RASD1: variants seen among roughly 807,000 people sequenced by gnomAD.
The protein encoded by RASD1 is ras related dexamethasone induced 1.
A neutral mutation model predicts 16.7 loss-of-function variants in RASD1; 13 were observed. That is an observed-to-expected ratio of 0.78 (90% confidence interval 0.51 to 1.24). The LOEUF is 1.24. Among genes scored for constraint, RASD1 ranks in the 50% most tolerant of loss-of-function variants. RASD1 has a pLI of 0.00. For missense variants in RASD1, 397 were observed against 407.5 expected, an observed-to-expected ratio of 0.97 and a Z score of 0.22; for synonymous variants, 170 against 172.6, an observed-to-expected ratio of 0.98 and a Z score of 0.12.
Position 17,495,502 on chromosome 17 carries a change from G to C in RASD1, c.469C>G (p.Gln157Glu). 3 of 1,611,782 alleles carry C rather than the reference G, an allele frequency of 1.9e-6. No homozygotes were observed. In the East Asian group the frequency reaches 6.7e-5, roughly 36 times the overall value. Residue 157 changes from glutamine to glutamate, a missense_variant, in exon 2 of 2, where the codon CAG becomes GAG. By Grantham distance (29) the Gln-to-Glu change is conservative (BLOSUM62 2). Transcript: ENST00000225688. ...CCCACCAGCTGCTCGATCTCGCGCT[G>C]GTCCACCTCGCGGTAGAAGTCGCGG... is the stretch of plus-strand genomic sequence containing the variant. The part of the protein sequence containing the change: ...GDRDFYREVD[Q>E]REIEQLVGDD...
chr17:17,495,863 T>C (rs777036185), intron 1 of RASD1, 33 bp downstream of exon 1: 21 of 1,112,750 alleles, frequency 1.9e-5, no homozygotes, highest in Non-Finnish European at 2.7e-5. Flanking sequence ...TTCCCCGCCC[T>C]TCCCTCCCGC....
At position 17,494,866 on chromosome 17, in the gene RASD1, C is replaced by G. The variant is rs1351289338; in HGVS notation, c.*259G>C. Reference sequence around the variant, plus strand: ...AAATCCACCCTCGGCTGGGCCCTCGCTCCCAAAGTTATGGGGGTGGCGGGC... The same window carrying G: ...AAATCCACCCTCGGCTGGGCCCTCGGTCCCAAAGTTATGGGGGTGGCGGGC... On this transcript the variant is annotated 3_prime_UTR_variant, in exon 2 of 2. Coordinates refer to ENST00000225688, the MANE Select transcript of RASD1 (RefSeq NM_016084.5). 1.8e-6 allele frequency: 1 copy of G among 570,274 alleles called. No homozygotes were observed. The highest frequency in any genetic ancestry group is 3.0e-6 in the Non-Finnish European group (1 of 328,328). 35.3% of individuals were successfully genotyped at this position (570,274 alleles called of 1,614,324 possible).
intron 1 of RASD1, 41 bp from the exon 2 acceptor site, chr17:17,495,725 TGGCCGCCCAGGGGACAAGTCG>T: frequency 6.0e-6 from 9 of 1,507,490 alleles, no homozygotes; most frequent in Non-Finnish European, 8.0e-6. Context: ...AAGGTGAGGG[TGGCCGCCCAGGGGACAAGTCG>T]GGCTGACTTT....
chr17:17,495,016 A>C lies in RASD1; in HGVS notation c.*109T>G. 2 of 1,348,778 alleles carry C rather than the reference A, an allele frequency of 1.5e-6. No homozygotes were observed. The highest frequency in any genetic ancestry group is 2.0e-6 in the Non-Finnish European group (2 of 986,930). 83.6% of individuals were successfully genotyped at this position (1,348,778 alleles called of 1,614,324 possible). On this transcript the variant is annotated 3_prime_UTR_variant, in exon 2 of 2. Coordinates refer to ENST00000225688, the MANE Select transcript of RASD1 (RefSeq NM_016084.5). ...CCAGTGCTGGGGGCGGATCGCCGGGAGGGGAGACGCCAGTCCGCGCGCGCT... is the reference window on the plus strand; with the variant it reads ...CCAGTGCTGGGGGCGGATCGCCGGGCGGGGAGACGCCAGTCCGCGCGCGCT...
Position 17,496,286 on chromosome 17 carries a change from C to T in RASD1, c.-105G>A. ...GGGTGAGCGGCTGGAGGGCTCTGCT[C>T]GGGCTGGGCGCGGCTCGGGCTTGGG... On this transcript the variant is annotated 5_prime_UTR_variant, in exon 1 of 2. Transcript: ENST00000225688. 1 of 1,279,238 alleles carries T rather than the reference C, an allele frequency of 7.8e-7. No individual in the cohort carries two copies. Among genetic ancestry groups the T allele is most frequent in the South Asian group, 1.5e-5 (1 of 65,354 alleles). The allele number at this position is 1,279,238 out of a possible 1,614,324, so 79.2% of individuals were successfully genotyped here. A position where few individuals can be genotyped will look rare whatever the true frequency, so the allele number is the denominator to read the frequency against.
rs747191138 is a variant in RASD1 at position 17,495,257 on chromosome 17, G to A, written c.714C>T (p.Asp238=). The part of the protein sequence containing the change: ...LRAGSGGGGG[D]PGDAFGIVAP... ...CCACGATGCCAAAGGCGTCGCCCGG[G>A]TCGCCGCCGCCGCCGCCGCTGCCGG... The change falls in exon 2 of 2, where the codon GAC becomes GAT. Residue 238 remains aspartate, a synonymous_variant. Transcript: ENST00000225688. The A allele has an allele frequency of 1.3e-6, 2 of 1,573,580 alleles. No individual in the cohort carries two copies. The highest frequency in any genetic ancestry group is 1.7e-6 in the Non-Finnish European group (2 of 1,161,408).
chr17:17,495,271 CGCCGCT>C lies in RASD1; in HGVS notation c.694_699del (p.Ser232_Gly233del), dbSNP rs769104418. On this transcript the variant is annotated inframe_deletion, in exon 2 of 2. Coordinates refer to ENST00000225688, the MANE Select transcript of RASD1 (RefSeq NM_016084.5). Reference sequence around the variant, plus strand: ...GCGTCGCCCGGGTCGCCGCCGCCGCCGCCGCTGCCGGCCCGCAGCAGCTTCTTGTTC... The same window carrying C: ...GCGTCGCCCGGGTCGCCGCCGCCGCCGCCGGCCCGCAGCAGCTTCTTGTTC... 2.6e-6 allele frequency: 4 copies of C among 1,564,766 alleles called. No individual in the cohort carries two copies. The highest frequency in any genetic ancestry group is 1.9e-5 in the Admixed American group (1 of 52,300).
Position 17,495,494 on chromosome 17 carries a change from C to A in RASD1, c.477G>T (p.Glu159Asp). The part of the protein sequence containing the change: ...RDFYREVDQR[E>D]IEQLVGDDPQ... ...GGTCGTCGCCCACCAGCTGCTCGAT[C>A]TCGCGCTGGTCCACCTCGCGGTAGA... Residue 159 changes from glutamate (E) to aspartate (D), a missense_variant, in exon 2 of 2, where the codon GAG becomes GAT. By Grantham distance (45) the Glu-to-Asp change is conservative (BLOSUM62 2). Transcript: ENST00000225688. 1 of 1,611,438 alleles carries A rather than the reference C, an allele frequency of 6.2e-7. No individual in the cohort carries two copies. The highest frequency in any genetic ancestry group is 8.5e-7 in the Non-Finnish European group (1 of 1,179,318).
At position 17,496,143 on chromosome 17, in the gene RASD1, G is replaced by C. The variant is rs139708227; in HGVS notation, c.39C>G (p.Ser13Arg). The part of the protein sequence containing the change: ...LAAMIKKMCP[S>R]DSELSIPAKN... ...TGGCCGGGATACTCAGCTCCGAGTCGCTCGGGCACATCTTCTTGATCATCG... is the reference window on the plus strand; with the variant it reads ...TGGCCGGGATACTCAGCTCCGAGTCCCTCGGGCACATCTTCTTGATCATCG... The change falls in exon 1 of 2, where the codon AGC (serine) becomes AGG (arginine). Residue 13 changes from serine to arginine, a missense_variant. By Grantham distance (110) the Ser-to-Arg change is moderately radical. Transcript: ENST00000225688. The C allele has an allele frequency of 6.2e-7, 1 of 1,611,804 alleles. No individual in the cohort carries two copies. Among genetic ancestry groups the C allele is most frequent in the South Asian group, 1.1e-5 (1 of 91,014 alleles).
chr17:17,495,580 TG>T lies in RASD1; in HGVS notation c.390del (p.Asn130LysfsTer72). 6.2e-7 allele frequency: 1 copy of T among 1,613,134 alleles called. No homozygotes were observed. Among genetic ancestry groups the T allele is most frequent in the Admixed American group, 1.7e-5 (1 of 59,994 alleles). ...QILDTKSCLK[N>X]KTKENVDVPL... Reference sequence around the variant, plus strand: ...GGCACGTCCACGTTCTCCTTGGTTTTGTTCTTGAGGCAAGACTTGGTGTCGA... The same window carrying T: ...GGCACGTCCACGTTCTCCTTGGTTTTTTCTTGAGGCAAGACTTGGTGTCGA... On this transcript the variant is annotated frameshift_variant, in exon 2 of 2. Transcript: ENST00000225688. LOFTEE classifies it high-confidence loss of function.
rs549245676 is a variant in RASD1, at chr17:17,494,617, T to G, written c.*508A>C. 2.6e-4 allele frequency: 46 copies of G among 174,920 alleles called. No homozygotes were observed. Among genetic ancestry groups the G allele is most frequent in the Non-Finnish European group, 4.2e-4 (35 of 82,948 alleles). 10.8% of individuals were successfully genotyped at this position (174,920 alleles called of 1,614,324 possible). ...GTTCCTTTGTGCAGTTTCACTCACA[T>G]GTAAACAAGTCACTTGGCTATGATT... On this transcript the variant is annotated 3_prime_UTR_variant, in exon 2 of 2. Transcript: ENST00000225688.
chr17:17,494,985 G>T lies in RASD1; in HGVS notation c.*140C>A. The T allele has an allele frequency of 1.9e-6, 2 of 1,058,260 alleles. No individual in the cohort carries two copies. The highest frequency in any genetic ancestry group is 2.7e-6 in the Non-Finnish European group (2 of 744,006). 65.6% of individuals were successfully genotyped at this position (1,058,260 alleles called of 1,614,324 possible). A position where few individuals can be genotyped will look rare whatever the true frequency, so the allele number is the denominator to read the frequency against. On this transcript the variant is annotated 3_prime_UTR_variant, in exon 2 of 2. Transcript: ENST00000225688. ...GACCGTCCCTTCTCGGTTCAGTGGCGCCTCCCCAGTGCTGGGGGCGGATCG... is the reference window on the plus strand; with the variant it reads ...GACCGTCCCTTCTCGGTTCAGTGGCTCCTCCCCAGTGCTGGGGGCGGATCG...
chr17:17,495,054 C>A lies in RASD1; in HGVS notation c.*71G>T. ...GTCCGCGCGCGCTCCCGGCCTGGGG[C>A]GCACCGGGCCGTTGGATTTGACTTA... On this transcript the variant is annotated 3_prime_UTR_variant, in exon 2 of 2. Coordinates refer to ENST00000225688, the MANE Select transcript of RASD1 (RefSeq NM_016084.5). The A allele has an allele frequency of 6.4e-7, 1 of 1,559,358 alleles. No homozygotes were observed. Among genetic ancestry groups the A allele is most frequent in the Non-Finnish European group, 8.7e-7 (1 of 1,152,712 alleles).
Position 17,494,897 on chromosome 17 carries a change from TGGG to T in RASD1, c.*225_*227del, listed in dbSNP as rs954344349. The T allele has an allele frequency of 1.6e-6, 1 of 610,408 alleles. No homozygotes were observed. The highest frequency in any genetic ancestry group is 2.0e-5 in the African/African-American group (1 of 50,850). 37.8% of individuals were successfully genotyped at this position (610,408 alleles called of 1,614,324 possible). A position where few individuals can be genotyped will look rare whatever the true frequency, so the allele number is the denominator to read the frequency against. On this transcript the variant is annotated 3_prime_UTR_variant, in exon 2 of 2. Coordinates refer to ENST00000225688, the MANE Select transcript of RASD1 (RefSeq NM_016084.5). Reference sequence around the variant, plus strand: ...AAGTTATGGGGGTGGCGGGCCTCAATGGGGGACCGGGGGTGGGGAATAGTCCCA... The same window carrying T: ...AAGTTATGGGGGTGGCGGGCCTCAATGGACCGGGGGTGGGGAATAGTCCCA...
Position 17,495,337 on chromosome 17 carries a change from G to A in RASD1, c.634C>T (p.Gln212Ter). 2 of 1,565,602 alleles carry A rather than the reference G, an allele frequency of 1.3e-6. No homozygotes were observed. The highest frequency in any genetic ancestry group is 1.7e-6 in the Non-Finnish European group (2 of 1,155,020). Residue 212 changes from glutamine to a stop codon, truncating the protein, a stop_gained, in exon 2 of 2, where the codon CAG (glutamine) becomes TAG (stop). Transcript: ENST00000225688. LOFTEE classifies it high-confidence loss of function. ...SPDLHRKVSV[Q>*]YCDVLHKKAL... ...TTCTTGTGCAGCACGTCGCAGTACT[G>A]CACCGAGACCTTGCGGTGCAGGTCT...
Position 17,496,279 on chromosome 17 carries a change from C to T in RASD1, c.-98G>A. 7.5e-7 allele frequency: 1 copy of T among 1,337,844 alleles called. No homozygotes were observed. The highest frequency in any genetic ancestry group is 1.0e-6 in the Non-Finnish European group (1 of 999,162). 82.9% of individuals were successfully genotyped at this position (1,337,844 alleles called of 1,614,324 possible). On this transcript the variant is annotated 5_prime_UTR_variant, in exon 1 of 2. Coordinates refer to ENST00000225688, the MANE Select transcript of RASD1 (RefSeq NM_016084.5). ...GCACGCGGGGTGAGCGGCTGGAGGG[C>T]TCTGCTCGGGCTGGGCGCGGCTCGG...
rs1372161781 is a variant in RASD1 at position 17,495,993 on chromosome 17, C to G, written c.189G>C (p.Lys63Asn). The G allele has an allele frequency of 6.2e-7, 1 of 1,613,938 alleles. No homozygotes were observed. The highest frequency in any genetic ancestry group is 1.3e-5 in the African/African-American group (1 of 75,070). ...AGACCTCGCCGCGGATGGAGTAGAA[C>G]TTGCGGTGGAAGTCCTCGATGGTAG... is the stretch of plus-strand genomic sequence containing the variant. ...YTPTIEDFHR[K>N]FYSIRGEVYQ... The change falls in exon 1 of 2, where the codon AAG becomes AAC. Residue 63 changes from lysine (K) to asparagine (N), a missense_variant. By Grantham distance (94) the Lys-to-Asn change is moderately conservative. Coordinates refer to ENST00000225688, the MANE Select transcript of RASD1 (RefSeq NM_016084.5).
Position 17,495,467 on chromosome 17 carries a change from G to C in RASD1, c.504C>G (p.Pro168=). The C allele has an allele frequency of 6.2e-7, 1 of 1,609,340 alleles. No individual in the cohort carries two copies. The highest frequency in any genetic ancestry group is 8.5e-7 in the Non-Finnish European group (1 of 1,178,078). Residue 168 remains proline (P), a synonymous_variant, in exon 2 of 2, where the codon CCC becomes CCG. Transcript: ENST00000225688. ...AGATCTCGAAGTAGGCGCAGCGCTG[G>C]GGGTCGTCGCCCACCAGCTGCTCGA... ...REIEQLVGDD[P]QRCAYFEISA...
In RASD1 at chr17:17,495,151, C is replaced by A; in HGVS notation, c.820G>T (p.Asp274Tyr). 6.2e-7 allele frequency: 1 copy of A among 1,611,734 alleles called. No individual in the cohort carries two copies. Among genetic ancestry groups the A allele is most frequent in the Non-Finnish European group, 8.5e-7 (1 of 1,179,710 alleles). The change falls in exon 2 of 2, where the codon GAC (aspartate) becomes TAC (tyrosine). Residue 274 changes from aspartate (D) to tyrosine (Y), a missense_variant. Transcript: ENST00000225688. ...EKASAGSQAK[D>Y]KERCVIS ...TAGCTGATGACGCAGCGCTCCTTGT[C>A]CTTGGCCTGGCTGCCGGCGCTGGCC...
Sources: gnomAD v4.1 joint callset for allele counts on GRCh38, gnomAD v4.1.1 for gene constraint, MANE v1.5 for transcripts, NCBI Gene and HGNC (gene_info 2026-07-23, HGNC 2026-07-21) for gene names.